Variants in LRIF1 observed in about 807,000 individuals in gnomAD.
LRIF1 encodes the protein ligand dependent nuclear receptor interacting factor 1.
In LRIF1, 32 loss-of-function variants were observed where a neutral mutation model predicts 52.7. That is an observed-to-expected ratio of 0.61 (90% CI 0.46 to 0.82). The LOEUF is 0.82. Ranked by LOEUF, LRIF1 falls within the 40% of genes least tolerant of loss-of-function variation. The pLI, the probability that LRIF1 is intolerant of heterozygous loss-of-function variation, is 0.00. For synonymous variants in LRIF1, 323 were observed against 317.4 expected, an observed-to-expected ratio of 1.02 and a Z score of -0.19; for missense variants, 887 against 892.0, an observed-to-expected ratio of 0.99 and a Z score of 0.07.
the LRIF1 span, among the ~76,000 whole-genome samples, chr1:110,901,353 T>G: frequency 6.6e-6 from 1 of 152,022 alleles, no homozygotes; most frequent in Non-Finnish European, 1.5e-5. Flanking sequence ...AATTTTTGTA[T>G]TTTTAGTAGA....
At chr1:110,886,458 A>C in the LRIF1 span, among the ~76,000 whole-genome samples, 145 of 152,192 alleles carry the variant, frequency 9.5e-4, no homozygotes, top group Non-Finnish European at 1.6e-3. Flanking sequence ...TTATTTTTCT[A>C]TCTCTCTTCT....
the LRIF1 span, among the ~76,000 whole-genome samples, chr1:110,907,746 A>C: frequency 6.6e-6 from 1 of 152,136 alleles, no homozygotes; most frequent in Non-Finnish European, 1.5e-5. Flanking sequence ...ACACACAAAA[A>C]AAGTTTTGAG....
chr1:110,953,864 C>T (rs528700396), intron 1 of LRIF1, among the ~76,000 whole-genome samples: 1 of 152,110 alleles, frequency 6.6e-6, no homozygotes, highest in Non-Finnish European at 1.5e-5. Context: ...CCACTTTATC[C>T]TTGTCTTTCC....
the LRIF1 span, chr1:110,899,167 AC>A: frequency 6.2e-7 from 1 of 1,613,870 alleles, no homozygotes; most frequent in African/African-American, 1.3e-5. Context: ...TGCCAGATTG[AC>A]AAAACCAGCC....
chr1:110,944,349 T>C (rs1442404327), downstream of LRIF1: 1 of 152,202 alleles, frequency 6.6e-6, no homozygotes, highest in East Asian at 1.9e-4. Flanking sequence ...GATTTCTGTC[T>C]TGAACATAGG....
At chr1:110,920,232 A>G in the LRIF1 span, among the ~76,000 whole-genome samples, 1 of 152,212 alleles carries the variant, frequency 6.6e-6, no homozygotes, top group South Asian at 2.1e-4. Flanking sequence ...TCATACAGAA[A>G]CCTGCATATA....
the LRIF1 span, among the ~76,000 whole-genome samples, chr1:110,889,936 A>T: frequency 6.6e-6 from 1 of 152,194 alleles, no homozygotes; most frequent in Non-Finnish European, 1.5e-5. Context: ...AGACAAGAAG[A>T]AAAGAGGGGA....
At chr1:110,962,775 C>T (rs1659012920) in intron 1 of LRIF1, among the ~76,000 whole-genome samples, 2 of 152,120 alleles carry the variant, frequency 1.3e-5, no homozygotes. Context: ...AGTTTTGCAT[C>T]TTAGTTCTTC....
the LRIF1 span, among the ~76,000 whole-genome samples, chr1:110,913,659 G>T: frequency 2.0e-5 from 3 of 152,218 alleles, no homozygotes; most frequent in Non-Finnish European, 2.9e-5. Flanking sequence ...TGGTGAAGTT[G>T]TAGAGAAAAG....
At chr1:110,905,949 G>C in the LRIF1 span, among the ~76,000 whole-genome samples, 1 of 152,098 alleles carries the variant, frequency 6.6e-6, no homozygotes, top group Admixed American at 6.6e-5. Flanking sequence ...TAAATGCAGA[G>C]AGTGTTAAGT....
the LRIF1 span, among the ~76,000 whole-genome samples, chr1:110,928,846 G>C: frequency 6.6e-6 from 1 of 152,170 alleles, no homozygotes; most frequent in Non-Finnish European, 1.5e-5. Context: ...AGGACAGACA[G>C]ATGGGGAAAA....
intron 1 of LRIF1, among the ~76,000 whole-genome samples, chr1:110,962,248 A>G (rs1223150111): frequency 1.3e-5 from 2 of 152,082 alleles, no homozygotes; most frequent in East Asian, 1.9e-4. Context: ...CTACTTTCTC[A>G]TATGTACACA....
rs967253673 is a variant in LRIF1, at chr1:110,947,357, T to C, written c.*602A>G. 1.3e-5 allele frequency: 2 copies of C among 151,534 alleles called. No individual in the cohort carries two copies. Among genetic ancestry groups the C allele is most frequent in the African/African-American group, 4.8e-5 (2 of 41,296 alleles). 9.4% of individuals were successfully genotyped at this position (151,534 alleles called of 1,614,324 possible). A position where few individuals can be genotyped will look rare whatever the true frequency, so the allele number is the denominator to read the frequency against. ...ACATCAAATGGCCTGAATTCTAAAA[T>C]ACCTTTGGATTATATAAAATTACAT... On this transcript the variant is annotated 3_prime_UTR_variant, in exon 4 of 4. Coordinates refer to ENST00000369763, the MANE Select transcript of LRIF1 (RefSeq NM_018372.4).
chr1:110,901,920 T>C, the LRIF1 span, among the ~76,000 whole-genome samples: 1 of 152,228 alleles, frequency 6.6e-6, no homozygotes, highest in African/African-American at 2.4e-5. Flanking sequence ...CTAGTTTTCC[T>C]AGCCAGAAGC....
intron 1 of LRIF1, among the ~76,000 whole-genome samples, chr1:110,961,223 A>T (rs1658934627): frequency 6.6e-6 from 1 of 152,144 alleles, no homozygotes; most frequent in Non-Finnish European, 1.5e-5. Flanking sequence ...CTCCTCCTCC[A>T]CCATGACTGT....
the LRIF1 span, among the ~76,000 whole-genome samples, chr1:110,887,422 G>A: frequency 1.3e-5 from 2 of 152,202 alleles, no homozygotes; most frequent in South Asian, 2.1e-4. Context: ...CACCTGGGTT[G>A]GTTTTCATCT....
chr1:110,886,488 C>T, the LRIF1 span, among the ~76,000 whole-genome samples: 16 of 152,070 alleles, frequency 1.1e-4, no homozygotes, highest in African/African-American at 3.9e-4. Context: ...TTTAGAGACT[C>T]CAGTGACATG....
the LRIF1 span, among the ~76,000 whole-genome samples, chr1:110,878,356 G>A: frequency 3.9e-5 from 6 of 152,132 alleles, no homozygotes; most frequent in Non-Finnish European, 7.3e-5. Context: ...ACTGCCACAG[G>A]CTCTGTGTAG....
Position 110,963,860 on chromosome 1 carries a change from C to T in LRIF1, c.-172G>A, listed in dbSNP as rs1659071752. ...CAGCGGGCTCTCGAGAGGGTGTATCCCCAGGCTTCGGGACGAGGTCGCGCA... is the reference window on the plus strand; with the variant it reads ...CAGCGGGCTCTCGAGAGGGTGTATCTCCAGGCTTCGGGACGAGGTCGCGCA... On this transcript the variant is annotated 5_prime_UTR_variant, in exon 1 of 4. Coordinates refer to ENST00000369763, the MANE Select transcript of LRIF1 (RefSeq NM_018372.4). The T allele has an allele frequency of 2.0e-5, 10 of 506,056 alleles. No homozygotes were observed. The highest frequency in any genetic ancestry group is 1.8e-4 in the South Asian group (7 of 39,408). 31.3% of individuals were successfully genotyped at this position (506,056 alleles called of 1,614,324 possible). A position where few individuals can be genotyped will look rare whatever the true frequency, so the allele number is the denominator to read the frequency against.
Sources: gnomAD v4.1 joint callset for allele counts (sites outside exome capture counted in the v4.1 genomes callset) on GRCh38, gnomAD v4.1.1 for gene constraint, MANE v1.5 for transcripts, NCBI Gene and HGNC (gene_info 2026-07-23, HGNC 2026-07-21) for gene names.